INTS2: variants seen among roughly 807,000 people sequenced by gnomAD.
INTS2 encodes KIAA1287.
A neutral mutation model predicts 139.6 loss-of-function variants in INTS2; 57 were observed. The observed-to-expected ratio is 0.41, with a 90% CI of 0.33 to 0.51. The LOEUF is 0.51. INTS2 is among the 20% of genes least tolerant of loss of function. The pLI, the probability that INTS2 is intolerant of heterozygous loss-of-function variation, is 0.28. For synonymous variants in INTS2, 473 were observed against 493.4 expected (o/e 0.96, Z 0.55); for missense variants, 1,196 against 1,436.7 (o/e 0.83, Z 2.71).
chr17:61,891,721 T>C (rs757259381), intron 13 of INTS2, 32 bp from the exon 14 acceptor site: 2 of 1,520,530 alleles, frequency 1.3e-6, no homozygotes, highest in East Asian at 4.6e-5. Flanking sequence ...ACTGAATTAA[T>C]TGTGGCAAAA....
chr17:61,897,643 A>T lies in INTS2; in HGVS notation c.1379+25T>A, dbSNP rs1360167845. 6.3e-7 allele frequency: 1 copy of T among 1,588,666 alleles called. No homozygotes were observed. The highest frequency in any genetic ancestry group is 8.6e-7 in the Non-Finnish European group (1 of 1,164,848). On this transcript the variant is annotated intron_variant, in intron 10 of 24. Transcript: ENST00000251334. This position sits in a 1 kb window ranked among gnomAD's most constrained non-coding sequence, Gnocchi z 4.4. ...AAGAGAGAAGAAGAAAAGCTTTCTC[A>T]ACTAACTAAATCAAATTATCTTACC...
intron 1 of INTS2, 137 bp from the exon 2 acceptor site, chr17:61,926,799 A>G (rs924198726): frequency 1.4e-6 from 1 of 722,006 alleles, no homozygotes; most frequent in African/African-American, 1.8e-5. Flanking sequence ...CAATCAAGAC[A>G]AGGCTTCTCT....
chr17:61,871,270 G>A lies in INTS2; in HGVS notation c.2778+995C>T, dbSNP rs778732539. Among the ~76,000 whole-genome samples, 8 of 152,076 alleles carry A rather than the reference G, an allele frequency of 5.3e-5. No individual in the cohort carries two copies. Among genetic ancestry groups the A allele is most frequent in the East Asian group, 3.9e-4 (2 of 5,156 alleles). ...CAAGTAGCTGGGACTACAGGTTTGG[G>A]CCACCACGCCCGGCTAATTTTTGTA... On this transcript the variant is annotated intron_variant, in intron 20 of 24. Transcript: ENST00000251334. The surrounding 1 kb of genome is among the most constrained non-coding windows in gnomAD (Gnocchi z 4.9).
At position 61,872,219 on chromosome 17, in the gene INTS2, GAAGCCCTTGCTCTTTTTGACTA is replaced by G. The variant is rs2145901473; in HGVS notation, c.2778+24_2778+45del. The G allele has an allele frequency of 7.2e-7, 1 of 1,382,722 alleles. No homozygotes were observed. 85.7% of individuals were successfully genotyped at this position (1,382,722 alleles called of 1,614,324 possible). Reference sequence around the variant, plus strand: ...CTATTGAACTGATTATACTAGTAGAGAAGCCCTTGCTCTTTTTGACTAAATTTTACTTTAGCAAAATTTACCT... The same window carrying G: ...CTATTGAACTGATTATACTAGTAGAGAATTTTACTTTAGCAAAATTTACCT... On this transcript the variant is annotated intron_variant, in intron 20 of 24. Transcript: ENST00000251334. The surrounding 1 kb of genome is among the most constrained non-coding windows in gnomAD (Gnocchi z 4.8).
At chr17:61,880,236 C>T (rs1455015113) in intron 17 of INTS2, among the ~76,000 whole-genome samples, 4 of 151,452 alleles carry the variant, frequency 2.6e-5, no homozygotes, top group African/African-American at 7.3e-5. Flanking sequence ...TTAGTAGAGA[C>T]GGGGTTTCAC....
At position 61,927,685 on chromosome 17, in the gene INTS2, G is replaced by A. The variant is rs564194117; in HGVS notation, c.-50C>T. The stretch of plus-strand genomic sequence containing the variant: ...ATCTACCCTCCAGCCTCACGGAACC[G>A]CACACGGACTCCGCGTCCTAGAGGC... On this transcript the variant is annotated 5_prime_UTR_variant, in exon 1 of 25. Transcript: ENST00000251334. 4.2e-6 allele frequency: 6 copies of A among 1,430,684 alleles called. No homozygotes were observed. The African/African-American group carries it at 4.3e-5, about 10-fold the overall frequency. 88.6% of individuals were successfully genotyped at this position (1,430,684 alleles called of 1,614,324 possible).
Position 61,897,718 on chromosome 17 carries a change from C to CA in INTS2, c.1328dup (p.Met444AspfsTer16), listed in dbSNP as rs1567904229. Reference sequence around the variant, plus strand: ...TCATCCAACTTAGCCACACCACCATCAGCTGCTCCTGTTCAGGTGTACTAT... The same window carrying CA: ...TCATCCAACTTAGCCACACCACCATCAAGCTGCTCCTGTTCAGGTGTACTAT... On this transcript the variant is annotated frameshift_variant, in exon 10 of 25. Transcript: ENST00000251334. LOFTEE classifies it high-confidence loss of function. This position sits in a 1 kb window ranked among gnomAD's most constrained non-coding sequence, Gnocchi z 4.4. 1 of 1,607,860 alleles carries CA rather than the reference C, an allele frequency of 6.2e-7. No individual in the cohort carries two copies. Among genetic ancestry groups the CA allele is most frequent in the East Asian group, 2.2e-5 (1 of 44,792 alleles).
intron 9 of INTS2, among the ~76,000 whole-genome samples, chr17:61,901,573 A>ATTTTTT (rs1477309662): frequency 1.2e-5 from 1 of 80,166 alleles, no homozygotes; most frequent in Non-Finnish European, 2.4e-5. Context: ...AGGCAGAATG[A>ATTTTTT]TTTCTTTTTT....
At chr17:61,877,102 G>A (rs2079133198) in intron 18 of INTS2, among the ~76,000 whole-genome samples, 1 of 152,106 alleles carries the variant, frequency 6.6e-6, no homozygotes, top group Non-Finnish European at 1.5e-5. Context: ...TCACAGGAGT[G>A]GAAGCAAGTA....
In INTS2 at chr17:61,875,816, A is replaced by G. The variant is rs1017588934; in HGVS notation, c.2457-778T>C. 6.6e-6 allele frequency among the ~76,000 whole-genome samples: 1 copy of G among 152,220 alleles called. No individual in the cohort carries two copies. ...CCTAAAAGAATAAAGTATTTTATAC[A>G]TGAAACAAGAACAAGAGGCATTTAA... On this transcript the variant is annotated intron_variant, in intron 18 of 24. Transcript: ENST00000251334. This position sits in a 1 kb window ranked among gnomAD's most constrained non-coding sequence, Gnocchi z 4.6.
chr17:61,889,058 C>CA, intron 15 of INTS2, among the ~76,000 whole-genome samples: 1 of 134,026 alleles, frequency 7.5e-6, no homozygotes, highest in African/African-American at 3.8e-5. Flanking sequence ...AAAAAACAAA[C>CA]CAAAACAAAA....
chr17:61,903,067 A>C (rs2079424433), intron 9 of INTS2, among the ~76,000 whole-genome samples: 2 of 145,280 alleles, frequency 1.4e-5, no homozygotes, highest in South Asian at 4.8e-4. Context: ...CGGGAGGCTG[A>C]GGCAGGAGAA....
intron 14 of INTS2, among the ~76,000 whole-genome samples, chr17:61,891,167 C>T (rs964254920): frequency 1.3e-5 from 2 of 151,452 alleles, no homozygotes; most frequent in Admixed American, 6.6e-5. Context: ...TTGTGGCAGG[C>T]GCCTGCAATC....
At chr17:61,891,951 A>G (rs1052727629) in intron 13 of INTS2, among the ~76,000 whole-genome samples, 3 of 152,170 alleles carry the variant, frequency 2.0e-5, no homozygotes, top group African/African-American at 4.8e-5. Context: ...AAGTAGTGGG[A>G]AAAACATTTT....
chr17:61,911,892 T>C, intron 6 of INTS2, 48 bp downstream of exon 6: 3 of 1,580,850 alleles, frequency 1.9e-6, no homozygotes, highest in South Asian at 1.2e-5. Flanking sequence ...GAAGAGTTCT[T>C]GGACCTAATA....
rs2079140063 is a variant in INTS2, at chr17:61,877,925, AT to A, written c.2417del (p.Asn806IlefsTer10). 6.2e-7 allele frequency: 1 copy of A among 1,613,722 alleles called. No individual in the cohort carries two copies. The highest frequency in any genetic ancestry group is 8.5e-7 in the Non-Finnish European group (1 of 1,179,744). On this transcript the variant is annotated frameshift_variant, in exon 18 of 25. Coordinates refer to ENST00000251334, the MANE Select transcript of INTS2 (RefSeq NM_001351695.2). LOFTEE classifies it high-confidence loss of function. ...CAGTATTAAGAACCATCCATAGTTT[AT>A]TGACTGTTTGCAGAATTCTCCGTGG... The part of the protein sequence containing the change: ...GVPRRILQTV[N>X]KLWMVLNTVM...
At chr17:61,903,985 T>C (rs1033306616) in intron 9 of INTS2, among the ~76,000 whole-genome samples, 6 of 152,030 alleles carry the variant, frequency 3.9e-5, no homozygotes, top group Non-Finnish European at 7.4e-5. Context: ...CTAAAAGAAT[T>C]GAAAGACACT....
intron 5 of INTS2, among the ~76,000 whole-genome samples, chr17:61,918,956 G>A (rs1475024518): frequency 2.3e-5 from 3 of 127,734 alleles, no homozygotes; most frequent in African/African-American, 6.0e-5. Context: ...ACGGAGTCTC[G>A]CCCTGTCGCC....
Position 61,919,474 on chromosome 17 carries a change from G to T in INTS2, c.575C>A (p.Ala192Asp). The change falls in exon 5 of 25, where the codon GCT becomes GAT. Residue 192 changes from alanine to aspartate, a missense_variant. Ala to Asp is a moderately radical substitution (Grantham distance 126). Transcript: ENST00000251334. ...SLLPIVDVAE[A>D]LLHVRNGAWF... ...GGCACCATTTCTAACATGTAGCAAAGCTTCAGCTACATCAACTATAGGGAG... is the reference window on the plus strand; with the variant it reads ...GGCACCATTTCTAACATGTAGCAAATCTTCAGCTACATCAACTATAGGGAG... 1 of 1,599,666 alleles carries T rather than the reference G, an allele frequency of 6.3e-7. No homozygotes were observed. Among genetic ancestry groups the T allele is most frequent in the Non-Finnish European group, 8.5e-7 (1 of 1,172,072 alleles).
Sources: gnomAD v4.1 joint callset for allele counts (sites outside exome capture counted in the v4.1 genomes callset) on GRCh38, gnomAD v4.1.1 for gene constraint, Gnocchi (gnomAD v3.1) non-coding constraint, MANE v1.5 for transcripts, NCBI Gene and HGNC (gene_info 2026-07-23, HGNC 2026-07-21) for gene names.